SEL1L3: variants seen among roughly 807,000 people sequenced by gnomAD.
The protein encoded by SEL1L3 is SEL1L family member 3, also known as protein sel-1 homolog 3.
SEL1L3 carries 76 observed loss-of-function variants against 142.8 expected under a neutral mutation model. That is an observed-to-expected ratio of 0.53 (90% CI 0.44 to 0.64). The LOEUF is 0.64. SEL1L3 is among the 30% of genes least tolerant of loss of function. The pLI, the probability that SEL1L3 is intolerant of heterozygous loss-of-function variation, is 0.00. For missense variants in SEL1L3, 1,262 were observed against 1,381.7 expected (o/e 0.91, Z 1.37); for synonymous variants, 504 against 519.6 (o/e 0.97, Z 0.41).
At chr4:25,821,724 G>A (rs1198024982) in intron 7 of SEL1L3, among the ~76,000 whole-genome samples, 1 of 152,208 alleles carries the variant, frequency 6.6e-6, no homozygotes, top group Non-Finnish European at 1.5e-5. Context: ...ATAGGCAACA[G>A]CCTGATGAAA....
chr4:25,789,898 C>T (rs539486988), intron 12 of SEL1L3, among the ~76,000 whole-genome samples: 25 of 152,178 alleles, frequency 1.6e-4, no homozygotes, highest in Non-Finnish European at 3.4e-4. Flanking sequence ...CTTAAAAGTC[C>T]ATCCAAAGAC....
In SEL1L3 at chr4:25,796,590, C is replaced by T. The variant is rs372018322; in HGVS notation, c.1956+5693G>A. On this transcript the variant is annotated intron_variant, in intron 11 of 23. Coordinates refer to ENST00000399878, the MANE Select transcript of SEL1L3 (RefSeq NM_015187.5). ...GGCAGATCGCTTGAGGTCAGGAGTT[C>T]GAGGCTAGCCTGGCCAACATGGTGA... is the stretch of plus-strand genomic sequence containing the variant. Among the ~76,000 whole-genome samples the T allele has an allele frequency of 5.3e-5, 8 of 151,900 alleles. No homozygotes were observed. The East Asian group carries it at 1.5e-3, about 29-fold the overall frequency.
intron 17 of SEL1L3, chr4:25,770,192 A>T (rs1055523709): frequency 1.3e-5 from 2 of 152,232 alleles, no homozygotes. Context: ...TGGGTGGGGG[A>T]GATGGAGGTT....
chr4:25,822,062 C>A lies in SEL1L3; in HGVS notation c.1224G>T (p.Val408=). ...GTCCAAAAAACCCTTCAATGCCAGC[C>A]ACATACCTGCTCCCTCCAATAATGA... ...GYFIIGGSRY[V]AGIEGFFGPL... Residue 408 remains valine (V), a synonymous_variant, in exon 7 of 24, where the codon GTG becomes GTT. Coordinates refer to ENST00000399878, the MANE Select transcript of SEL1L3 (RefSeq NM_015187.5). 6.2e-7 allele frequency: 1 copy of A among 1,613,962 alleles called. No individual in the cohort carries two copies. The highest frequency in any genetic ancestry group is 1.6e-4 in the Middle Eastern group (1 of 6,062).
chr4:25,856,727 G>T (rs1717291097), intron 1 of SEL1L3, among the ~76,000 whole-genome samples: 1 of 152,070 alleles, frequency 6.6e-6, no homozygotes, highest in East Asian at 1.9e-4. Flanking sequence ...GTATATTCTG[G>T]ATGGAAAAAT....
intron 9 of SEL1L3, among the ~76,000 whole-genome samples, chr4:25,805,542 C>T (rs368201368): frequency 1.3e-5 from 2 of 152,214 alleles, no homozygotes; most frequent in East Asian, 1.9e-4. Context: ...AAGTACTTTA[C>T]CACGCGGATA....
intron 23 of SEL1L3, among the ~76,000 whole-genome samples, chr4:25,748,774 A>G (rs1717405927): frequency 1.3e-5 from 2 of 152,138 alleles, no homozygotes; most frequent in Admixed American, 1.3e-4. Flanking sequence ...AAAACCCTTC[A>G]AGAGTTTCAC....
At chr4:25,804,781 C>T in intron 9 of SEL1L3, 29 bp from the exon 10 acceptor site, 3 of 1,456,414 alleles carry the variant, frequency 2.1e-6, no homozygotes, top group Non-Finnish European at 1.9e-6. Flanking sequence ...AGAGCACACA[C>T]AATTAATTAC....
At chr4:25,724,291 C>T in the SEL1L3 span, among the ~76,000 whole-genome samples, 19 of 152,094 alleles carry the variant, frequency 1.2e-4, no homozygotes, top group South Asian at 1.9e-3. Flanking sequence ...TGGTGGAGAA[C>T]GCCTGTAGTC....
intron 11 of SEL1L3, among the ~76,000 whole-genome samples, chr4:25,794,102 G>T (rs1296555948): frequency 6.6e-6 from 1 of 152,128 alleles, no homozygotes; most frequent in Non-Finnish European, 1.5e-5. Context: ...TACCATTCAG[G>T]ACATAGGCAT....
chr4:25,853,614 CACTGAGTT>C (rs1352881930), intron 1 of SEL1L3, among the ~76,000 whole-genome samples: 1 of 148,804 alleles, frequency 6.7e-6, no homozygotes, highest in Non-Finnish European at 1.5e-5. Flanking sequence ...TATTTGGATA[CACTGAGTT>C]AAATAAAATA....
chr4:25,809,393 C>A (rs963117453), intron 9 of SEL1L3, among the ~76,000 whole-genome samples: 1 of 151,960 alleles, frequency 6.6e-6, no homozygotes, highest in East Asian at 1.9e-4. Flanking sequence ...AATCCACCCA[C>A]CTCTGCCTAC....
the SEL1L3 span, among the ~76,000 whole-genome samples, chr4:25,722,995 G>C: frequency 1.3e-5 from 2 of 152,204 alleles, no homozygotes; most frequent in Admixed American, 6.5e-5. Context: ...TGGACAAGGA[G>C]AGTGTCCCGG....
the SEL1L3 span, among the ~76,000 whole-genome samples, chr4:25,730,213 C>T: frequency 2.6e-5 from 4 of 152,064 alleles, no homozygotes; most frequent in African/African-American, 7.2e-5. Flanking sequence ...GGTGAGCCAC[C>T]GAGCCCGGCT....
intron 11 of SEL1L3, among the ~76,000 whole-genome samples, chr4:25,795,006 G>A (rs1450542860): frequency 1.6e-5 from 2 of 122,574 alleles, no homozygotes; most frequent in Non-Finnish European, 3.2e-5. Context: ...GATGAACAAT[G>A]AGAATACATG....
intron 10 of SEL1L3, among the ~76,000 whole-genome samples, chr4:25,803,780 T>A (rs933735461): frequency 6.7e-6 from 1 of 149,910 alleles, no homozygotes; most frequent in East Asian, 1.9e-4. Flanking sequence ...GTTTTTTATA[T>A]GTTTTTTTTT....
At chr4:25,718,929 C>A in the SEL1L3 span, 1 of 152,262 alleles carries the variant, frequency 6.6e-6, no homozygotes, top group African/African-American at 2.4e-5. Flanking sequence ...GTAATCCCAG[C>A]ACTTTGGGAG....
At chr4:25,798,704 T>G (rs1427835594) in intron 11 of SEL1L3, among the ~76,000 whole-genome samples, 1 of 152,202 alleles carries the variant, frequency 6.6e-6, no homozygotes, top group African/African-American at 2.4e-5. Context: ...GGCACATGCC[T>G]GTAGTCCCAG....
intron 11 of SEL1L3, among the ~76,000 whole-genome samples, chr4:25,800,624 T>G (rs1713116083): frequency 1.3e-5 from 2 of 152,202 alleles, no homozygotes; most frequent in Admixed American, 1.3e-4. Context: ...AATAGTTTTT[T>G]TTGGCTTGGC....
Sources: gnomAD v4.1 joint callset for allele counts (sites outside exome capture counted in the v4.1 genomes callset) on GRCh38, gnomAD v4.1.1 for gene constraint, MANE v1.5 for transcripts, NCBI Gene and HGNC (gene_info 2026-07-23, HGNC 2026-07-21) for gene names.